Variants in ESRRG observed in about 807,000 individuals in gnomAD.
The protein encoded by ESRRG is estrogen-related receptor gamma.
ESRRG carries 13 observed loss-of-function variants against 44.0 expected under a neutral mutation model. The ratio of observed to expected loss-of-function variants is 0.30; its 90% confidence interval spans 0.19 to 0.47. ESRRG has a LOEUF of 0.47. Among genes scored for constraint, ESRRG ranks in the 20% least tolerant of loss-of-function variants. The probability of loss-of-function intolerance (pLI) is 1.00; values close to 1 mark genes in which losing one functional copy is unlikely to be tolerated. For missense variants in ESRRG, 395 were observed against 580.6 expected (o/e 0.68, Z 3.29); for synonymous variants, 215 against 214.6 (o/e 1.00, Z -0.02).
intron 1 of ESRRG, among the ~76,000 whole-genome samples, chr1:216,944,473 G>A (rs1277797684): frequency 1.3e-5 from 2 of 152,118 alleles, no homozygotes; most frequent in South Asian, 2.1e-4. Flanking sequence ...AATAAAGAAG[G>A]AGCACATGAT....
intron 2 of ESRRG, among the ~76,000 whole-genome samples, chr1:216,867,698 T>G (rs2096190192): frequency 6.6e-6 from 1 of 152,182 alleles, no homozygotes; most frequent in Non-Finnish European, 1.5e-5. Context: ...CGACCTCTTC[T>G]CCACTATACT....
In ESRRG at chr1:216,568,914, C is replaced by T. The variant is rs368247363; in HGVS notation, c.590-816G>A. Among the ~76,000 whole-genome samples the T allele has an allele frequency of 7.2e-5, 11 of 151,962 alleles. No homozygotes were observed. The East Asian group carries it at 1.4e-3, about 19-fold the overall frequency. ...TACTAAAAATACAAAATTAGCCAGG[C>T]GTGGTGGTGCATGCCTGTAATCCCA... On this transcript the variant is annotated intron_variant, in intron 3 of 6. Transcript: ENST00000408911.
rs1007876313 is a variant in ESRRG, at chr1:216,709,318, T to A, written c.56+13926A>T. Among the ~76,000 whole-genome samples the A allele has an allele frequency of 4.0e-5, 5 of 123,666 alleles. No individual in the cohort carries two copies. The East Asian group carries it at 1.2e-3, about 30-fold the overall frequency. 81.1% of individuals were successfully genotyped at this position (123,666 alleles called of 152,430 possible). A position where few individuals can be genotyped will look rare whatever the true frequency, so the allele number is the denominator to read the frequency against. ...ATGTGTATGTACATGTGTGTACAGATATATATGTGTATGTGTGTGTGTGTG... is the reference window on the plus strand; with the variant it reads ...ATGTGTATGTACATGTGTGTACAGAAATATATGTGTATGTGTGTGTGTGTG... On this transcript the variant is annotated intron_variant, in intron 1 of 6. Coordinates refer to ENST00000408911, the MANE Select transcript of ESRRG (RefSeq NM_001438.4).
At chr1:216,877,397 G>T (rs374640146) in intron 2 of ESRRG, among the ~76,000 whole-genome samples, 19,733 of 144,448 alleles carry the variant, frequency 0.14, 1,927 homozygotes, top group Non-Finnish European at 0.18. Flanking sequence ...TTGTTTGTTT[G>T]TTTGTTTGTT....
chr1:216,821,012 T>C (rs2095274426), intron 2 of ESRRG, among the ~76,000 whole-genome samples: 1 of 152,206 alleles, frequency 6.6e-6, no homozygotes, highest in African/African-American at 2.4e-5. Flanking sequence ...ATAAACTACA[T>C]TACGAAGTTT....
chr1:216,761,677 T>C (rs928114029), intron 2 of ESRRG, among the ~76,000 whole-genome samples: 3 of 152,180 alleles, frequency 2.0e-5, no homozygotes, highest in Admixed American at 6.6e-5. Context: ...TTTACCTGTA[T>C]TACCAAGCAT....
chr1:217,099,816 G>C (rs1450972034), intron 1 of ESRRG, among the ~76,000 whole-genome samples: 1 of 152,204 alleles, frequency 6.6e-6, no homozygotes, highest in South Asian at 2.1e-4. Flanking sequence ...AAAGGTCAAA[G>C]TGCTGTGAGC....
chr1:216,686,926 A>T (rs934187777), intron 1 of ESRRG, among the ~76,000 whole-genome samples: 1 of 152,162 alleles, frequency 6.6e-6, no homozygotes, highest in African/African-American at 2.4e-5. Context: ...AGACCTTGAG[A>T]GCAAGGACTA....
At position 216,523,500 on chromosome 1, in the gene ESRRG, TTG is replaced by T. The variant is rs1186092895; in HGVS notation, c.863-4081_863-4080del. On this transcript the variant is annotated intron_variant, in intron 5 of 6. Coordinates refer to ENST00000408911, the MANE Select transcript of ESRRG (RefSeq NM_001438.4). The stretch of plus-strand genomic sequence containing the variant: ...CACTCATCAAGCACTGTTTTTTTTT[TTG>T]TTTTTTTTTTTTTTTAGCCTGGCAA... 1.2e-3 allele frequency among the ~76,000 whole-genome samples: 90 copies of T among 74,574 alleles called. 4 individuals are homozygous for T. Among genetic ancestry groups the T allele is most frequent in the South Asian group, 2.2e-3 (3 of 1,350 alleles). The allele number at this position is 74,574 out of a possible 152,430, so 48.9% of individuals were successfully genotyped here.
chr1:216,940,495 G>A (rs570832977), intron 1 of ESRRG, among the ~76,000 whole-genome samples: 51 of 152,172 alleles, frequency 3.4e-4, no homozygotes, highest in Non-Finnish European at 5.3e-4. Context: ...AGAAGAGAAG[G>A]TTGTGACCAA....
At chr1:217,020,927 C>A (rs1468824808) in intron 1 of ESRRG, among the ~76,000 whole-genome samples, 2 of 152,008 alleles carry the variant, frequency 1.3e-5, no homozygotes, top group East Asian at 3.9e-4. Context: ...AGAAATGCCA[C>A]TCATTAAACC....
chr1:216,523,102 CA>C (rs988659598), intron 5 of ESRRG, among the ~76,000 whole-genome samples: 1 of 152,144 alleles, frequency 6.6e-6, no homozygotes, highest in African/African-American at 2.4e-5. Flanking sequence ...AGCCATATTA[CA>C]GCTTTTTAAA....
At chr1:217,123,016 T>C (rs1160300269) in intron 1 of ESRRG, among the ~76,000 whole-genome samples, 5 of 152,036 alleles carry the variant, frequency 3.3e-5, no homozygotes, top group Admixed American at 6.5e-5. Flanking sequence ...TTAACCACTT[T>C]AGCCCAGAAG....
chr1:216,809,915 G>T (rs1270377594), intron 2 of ESRRG, among the ~76,000 whole-genome samples: 1 of 152,116 alleles, frequency 6.6e-6, no homozygotes, highest in East Asian at 1.9e-4. Context: ...CTTTATGTCA[G>T]AACAAATTGA....
At chr1:216,611,184 T>A (rs1317331068) in intron 3 of ESRRG, among the ~76,000 whole-genome samples, 1 of 45,572 alleles carries the variant, frequency 2.2e-5, no homozygotes, top group Non-Finnish European at 4.1e-5. Flanking sequence ...GCCTGGGCAA[T>A]AAGAGCCAAA....
chr1:216,918,180 G>A (rs1054078571), intron 2 of ESRRG, among the ~76,000 whole-genome samples: 2 of 152,148 alleles, frequency 1.3e-5, no homozygotes, highest in Non-Finnish European at 2.9e-5. Context: ...TTCTGGGACA[G>A]TTAATTTTGT....
intron 2 of ESRRG, among the ~76,000 whole-genome samples, chr1:216,854,718 A>G (rs893324221): frequency 1.6e-4 from 25 of 152,186 alleles, no homozygotes; most frequent in African/African-American, 5.5e-4. Context: ...TATAATTGCA[A>G]AAAAGTAGCT....
rs1553749984 is a variant in ESRRG at position 216,977,341 on chromosome 1, TAC to T, written c.-105-37670_-105-37669del. ...AAACAAAGTTTCCAAGGAGGATACA[TAC>T]ACACACACACACACACACACACACA... On this transcript the variant is annotated intron_variant, in intron 1 of 7. Coordinates refer to the ESRRG transcript ENST00000359162. Among the ~76,000 whole-genome samples the T allele has an allele frequency of 4.8e-3, 690 of 144,042 alleles. 3 individuals are homozygous for T. The highest frequency in any genetic ancestry group is 5.1e-3 in the African/African-American group (197 of 38,612). 94.5% of individuals were successfully genotyped at this position (144,042 alleles called of 152,430 possible). A position where few individuals can be genotyped will look rare whatever the true frequency, so the allele number is the denominator to read the frequency against.
chr1:217,044,163 C>T (rs2084408646), intron 1 of ESRRG, among the ~76,000 whole-genome samples: 1 of 152,192 alleles, frequency 6.6e-6, no homozygotes, highest in South Asian at 2.1e-4. Flanking sequence ...GGCACGTCTT[C>T]TTCCTCCATA....
Sources: gnomAD v4.1 joint callset for allele counts (sites outside exome capture counted in the v4.1 genomes callset) on GRCh38, gnomAD v4.1.1 for gene constraint, MANE v1.5 for transcripts, NCBI Gene and HGNC (gene_info 2026-07-23, HGNC 2026-07-21) for gene names.